The following WDPCP variants were observed in gnomAD, a reference collection of about 807,000 sequenced individuals.
The protein encoded by WDPCP is WD repeat-containing and planar cell polarity effector protein fritz homolog.
In WDPCP, 71 loss-of-function variants were observed where a neutral mutation model predicts 93.1. The ratio of observed to expected loss-of-function variants is 0.76; its 90% CI spans 0.63 to 0.93. WDPCP has a LOEUF of 0.93. Ranked by LOEUF, WDPCP falls within the 40% of genes least tolerant of loss-of-function variation. WDPCP has a pLI of 0.00. For synonymous variants in WDPCP, 315 were observed against 315.0 expected (o/e 1.00, Z 0.00); for missense variants, 844 against 887.4 (o/e 0.95, Z 0.62).
chr2:63,356,003 AC>A (rs1208689363), intron 12 of WDPCP, among the ~76,000 whole-genome samples: 3 of 152,192 alleles, frequency 2.0e-5, no homozygotes, highest in African/African-American at 7.2e-5. Flanking sequence ...AAAAAGCAAG[AC>A]CCAATGGTAT....
chr2:63,281,292 C>G (rs1200912392), intron 13 of WDPCP, among the ~76,000 whole-genome samples: 2 of 152,164 alleles, frequency 1.3e-5, no homozygotes, highest in African/African-American at 4.8e-5. Flanking sequence ...TACCACTTTA[C>G]TTCTGCAAGA....
At chr2:63,484,469 T>C (rs1700447547) in intron 6 of WDPCP, 135 bp downstream of exon 6, 2 of 937,658 alleles carry the variant, frequency 2.1e-6, no homozygotes, top group South Asian at 2.9e-5. Flanking sequence ...CTAGAACAAC[T>C]AGAATTCAAA....
chr2:63,693,157 A>G (rs1309617947), intron 2 of WDPCP, among the ~76,000 whole-genome samples: 1 of 152,176 alleles, frequency 6.6e-6, no homozygotes, highest in African/African-American at 2.4e-5. Flanking sequence ...TCATCAGAAA[A>G]TATTAATTGG....
At chr2:63,144,378 G>C (rs1334289626) in intron 17 of WDPCP, among the ~76,000 whole-genome samples, 1 of 152,044 alleles carries the variant, frequency 6.6e-6, no homozygotes, top group Non-Finnish European at 1.5e-5. Flanking sequence ...CACCTCCTGG[G>C]TTCCAGTGAT....
At chr2:63,161,357 C>T (rs563161141) in intron 15 of WDPCP, among the ~76,000 whole-genome samples, 1 of 152,290 alleles carries the variant, frequency 6.6e-6, no homozygotes, top group African/African-American at 2.4e-5. Context: ...CTCTGAAAGT[C>T]TGAATTTCTT....
intron 15 of WDPCP, among the ~76,000 whole-genome samples, chr2:63,158,896 G>T (rs576380831): frequency 1.7e-4 from 26 of 150,336 alleles, no homozygotes; most frequent in Admixed American, 1.7e-3. Flanking sequence ...CAGCACTCTG[G>T]CAGGCTGAGG....
chr2:63,805,162 G>A (rs1417766453), intron 2 of WDPCP, among the ~76,000 whole-genome samples: 2 of 152,160 alleles, frequency 1.3e-5, no homozygotes, highest in East Asian at 3.9e-4. Context: ...AAAAGCGTCA[G>A]GGACAATTTA....
At chr2:63,661,357 A>G (rs938760503) in intron 2 of WDPCP, among the ~76,000 whole-genome samples, 2 of 152,168 alleles carry the variant, frequency 1.3e-5, no homozygotes, top group African/African-American at 4.8e-5. Flanking sequence ...TTCTTGCCAC[A>G]TGCTGTTTCC....
At chr2:63,585,563 A>G (rs1383529993) in intron 1 of WDPCP, among the ~76,000 whole-genome samples, 1 of 152,160 alleles carries the variant, frequency 6.6e-6, no homozygotes. Flanking sequence ...TGTTTACTAA[A>G]TACATGATCC....
intron 14 of WDPCP, chr2:63,229,150 T>C (rs544645699): frequency 3.6e-4 from 55 of 152,268 alleles, no homozygotes; most frequent in African/African-American, 1.3e-3. Flanking sequence ...CGGTATCTCA[T>C]TGTGGTTTTG....
At chr2:63,604,984 C>A in intron 3 of WDPCP, 1 of 1,052,414 alleles carries the variant, frequency 9.5e-7, no homozygotes, top group Non-Finnish European at 1.4e-6. Flanking sequence ...CTGATGACTG[C>A]ATACTTTCGG....
chr2:63,674,089 C>T (rs575489150), intron 2 of WDPCP, among the ~76,000 whole-genome samples: 14 of 152,294 alleles, frequency 9.2e-5, no homozygotes, highest in South Asian at 8.3e-4. Flanking sequence ...ACTCTGGTTT[C>T]GAGGAGCCAA....
chr2:63,263,085 T>C (rs1015771709), intron 13 of WDPCP, among the ~76,000 whole-genome samples: 4 of 152,194 alleles, frequency 2.6e-5, no homozygotes, highest in Admixed American at 2.6e-4. Context: ...CAAGAGTATA[T>C]CTCTATAATT....
intron 3 of WDPCP, among the ~76,000 whole-genome samples, chr2:63,638,686 G>C (rs532158937): frequency 1.3e-5 from 2 of 152,038 alleles, no homozygotes; most frequent in Non-Finnish European, 2.9e-5. Flanking sequence ...CTAATCAGGA[G>C]GCTGAGGTGG....
At chr2:63,335,136 G>A (rs560921101) in intron 12 of WDPCP, among the ~76,000 whole-genome samples, 2 of 152,258 alleles carry the variant, frequency 1.3e-5, no homozygotes, top group East Asian at 1.9e-4. Context: ...ATGTATATGG[G>A]TAATCAAAGA....
upstream of WDPCP, chr2:63,593,451 T>C: frequency 2.4e-6 from 1 of 414,622 alleles, no homozygotes; most frequent in Non-Finnish European, 4.9e-6. Flanking sequence ...GAGTACCAAA[T>C]TGCTGAGTGC....
intron 14 of WDPCP, among the ~76,000 whole-genome samples, chr2:63,185,312 C>T (rs543048864): frequency 1.3e-5 from 2 of 152,228 alleles, no homozygotes; most frequent in African/African-American, 2.4e-5. Flanking sequence ...TTTCATGCTT[C>T]CAGTATTATG....
chr2:63,244,411 A>T (rs1054045216), intron 14 of WDPCP, among the ~76,000 whole-genome samples: 1 of 152,178 alleles, frequency 6.6e-6, no homozygotes, highest in African/African-American at 2.4e-5. Flanking sequence ...CATACAAAAG[A>T]TCAATGAAAC....
In WDPCP at chr2:63,259,334, C is replaced by T. The variant is rs760742250; in HGVS notation, c.1888G>A (p.Asp630Asn). 218 of 1,612,688 alleles carry T rather than the reference C, an allele frequency of 1.4e-4. No homozygotes were observed. The highest frequency in any genetic ancestry group is 1.7e-4 in the Non-Finnish European group (199 of 1,179,558). The change falls in exon 14 of 18, where the codon GAT becomes AAT. Residue 630 changes from aspartate to asparagine, a missense_variant. Physicochemically the swap from Asp to Asn is conservative, Grantham distance 23. Transcript: ENST00000272321. ...ACCCCAGAGGTTATTGATTCTGCATCAATGTCACTAGCTCTTTTTCTTGCC... is the reference window on the plus strand; with the variant it reads ...ACCCCAGAGGTTATTGATTCTGCATTAATGTCACTAGCTCTTTTTCTTGCC... The part of the protein sequence containing the change: ...EVARKRASDI[D>N]AESITSGVEL...
Sources: allele counts gnomAD v4.1 joint callset (sites outside exome capture counted in the v4.1 genomes callset), GRCh38; gene constraint gnomAD v4.1.1; transcripts MANE v1.5; gene names NCBI Gene and HGNC (gene_info 2026-07-23, HGNC 2026-07-21).